The following LRRIQ3 variants were observed in gnomAD, a reference collection of about 807,000 sequenced individuals.
LRRIQ3 encodes the protein leucine-rich repeat and IQ domain-containing protein 3.
A neutral mutation model predicts 59.3 loss-of-function variants in LRRIQ3; 75 were observed. That is an observed-to-expected ratio of 1.26 (90% CI 1.05 to 1.53). LRRIQ3 has a LOEUF of 1.53. LRRIQ3 is among the 40% of genes most tolerant of loss of function. The probability of loss-of-function intolerance (pLI) is 0.00; values close to 1 mark genes in which losing one functional copy is unlikely to be tolerated. For synonymous variants in LRRIQ3, 250 were observed against 231.3 expected, an observed-to-expected ratio of 1.08 and a Z score of -0.73; for missense variants, 831 against 710.0, an observed-to-expected ratio of 1.17 and a Z score of -1.94.
At chr1:74,098,132 C>G (rs554716363) in intron 5 of LRRIQ3, among the ~76,000 whole-genome samples, 2 of 151,142 alleles carry the variant, frequency 1.3e-5, no homozygotes, top group South Asian at 2.1e-4. Flanking sequence ...AGAGTCAAGA[C>G]CCATCAGTGT....
At chr1:74,195,259 G>A (rs1354236607) in intron 1 of LRRIQ3, among the ~76,000 whole-genome samples, 1 of 152,180 alleles carries the variant, frequency 6.6e-6, no homozygotes, top group Non-Finnish European at 1.5e-5. Flanking sequence ...TGGTTAAACA[G>A]AGCCATGAAG....
At chr1:74,156,879 T>G (rs768256826) in intron 3 of LRRIQ3, among the ~76,000 whole-genome samples, 5 of 152,132 alleles carry the variant, frequency 3.3e-5, no homozygotes, top group Non-Finnish European at 5.9e-5. Context: ...TGTTTATGTT[T>G]TGAATGTAAG....
At chr1:74,032,971 A>G (rs1653762952) in intron 7 of LRRIQ3, among the ~76,000 whole-genome samples, 1 of 152,100 alleles carries the variant, frequency 6.6e-6, no homozygotes, top group Non-Finnish European at 1.5e-5. Flanking sequence ...AAATATGGAT[A>G]TAGGAAGTTG....
intron 7 of LRRIQ3, among the ~76,000 whole-genome samples, chr1:74,039,075 C>A (rs1039750417): frequency 1.3e-5 from 2 of 152,010 alleles, no homozygotes; most frequent in South Asian, 2.1e-4. Flanking sequence ...AAGGTAAGAA[C>A]CTTGATAAAA....
At chr1:74,094,326 T>C (rs1646426314) in intron 5 of LRRIQ3, among the ~76,000 whole-genome samples, 2 of 152,012 alleles carry the variant, frequency 1.3e-5, no homozygotes, top group Non-Finnish European at 2.9e-5. Flanking sequence ...GATGTTGAGA[T>C]GAGTTGATTA....
Position 74,041,859 on chromosome 1 carries a change from T to C in LRRIQ3, c.1072A>G (p.Ile358Val), listed in dbSNP as rs1654058298. 1 of 1,612,472 alleles carries C rather than the reference T, an allele frequency of 6.2e-7. No homozygotes were observed. Among genetic ancestry groups the C allele is most frequent in the Non-Finnish European group, 8.5e-7 (1 of 1,179,366 alleles). Residue 358 changes from isoleucine (I) to valine (V), a missense_variant, in exon 7 of 8, where the codon ATA becomes GTA. By Grantham distance (29) the Ile-to-Val change is conservative. Coordinates refer to ENST00000354431, the MANE Select transcript of LRRIQ3 (RefSeq NM_001105659.2). ...TTCTTCAATGAACCTGAAGTGTATA[T>C]GGGTAGTTTGAAAACTGATATCCTA... Reference protein sequence around the residue: ...SFRISVFKLPIYTSGSLKNNA... With the variant: ...SFRISVFKLPVYTSGSLKNNA...
At chr1:74,073,000 C>T (rs1432667534) in intron 6 of LRRIQ3, among the ~76,000 whole-genome samples, 1 of 151,990 alleles carries the variant, frequency 6.6e-6, no homozygotes, top group African/African-American at 2.4e-5. Flanking sequence ...TGATTTCTTT[C>T]TTTCAATGCC....
chr1:74,127,690 T>C (rs1161419410), intron 4 of LRRIQ3, among the ~76,000 whole-genome samples: 1 of 151,936 alleles, frequency 6.6e-6, no homozygotes, highest in Non-Finnish European at 1.5e-5. Flanking sequence ...TGAAAAGTTG[T>C]TGTAGTTATT....
chr1:74,152,096 C>T (rs1303738750), intron 4 of LRRIQ3, among the ~76,000 whole-genome samples: 1 of 151,434 alleles, frequency 6.6e-6, no homozygotes, highest in Non-Finnish European at 1.5e-5. Context: ...TAAAATTACA[C>T]CTATTATTTC....
intron 4 of LRRIQ3, among the ~76,000 whole-genome samples, chr1:74,136,710 T>A (rs143122801): frequency 1.9e-4 from 29 of 152,092 alleles, no homozygotes; most frequent in African/African-American, 6.5e-4. Context: ...AGAGGCAAAT[T>A]GGGAAGACTG....
intron 4 of LRRIQ3, chr1:74,144,467 T>G: frequency 3.0e-6 from 1 of 332,944 alleles, no homozygotes; most frequent in South Asian, 2.5e-5. Context: ...ACTTAAAAAT[T>G]AGAAAAAAAA....
intron 4 of LRRIQ3, among the ~76,000 whole-genome samples, chr1:74,142,586 A>G (rs906503002): frequency 5.9e-5 from 9 of 151,990 alleles, no homozygotes; most frequent in African/African-American, 1.7e-4. Context: ...AAGTAGCTTA[A>G]ATTTCAGTGT....
At chr1:74,077,436 C>T (rs1022378708) in intron 5 of LRRIQ3, among the ~76,000 whole-genome samples, 1 of 151,334 alleles carries the variant, frequency 6.6e-6, no homozygotes, top group Non-Finnish European at 1.5e-5. Context: ...CTTTAGATTC[C>T]CCTGAAAAAA....
At chr1:74,076,429 A>AT (rs1409421436) in intron 5 of LRRIQ3, among the ~76,000 whole-genome samples, 1 of 152,002 alleles carries the variant, frequency 6.6e-6, no homozygotes, top group Admixed American at 6.6e-5. Flanking sequence ...TCAAAACAAT[A>AT]TTTTTTTCCT....
At chr1:74,040,258 G>A (rs750152560) in intron 7 of LRRIQ3, among the ~76,000 whole-genome samples, 2 of 152,024 alleles carry the variant, frequency 1.3e-5, no homozygotes, top group African/African-American at 2.4e-5. Context: ...AAATATATAC[G>A]CACCCAATAC....
At chr1:74,186,808 T>C (rs1353489817) in intron 1 of LRRIQ3, among the ~76,000 whole-genome samples, 4 of 152,024 alleles carry the variant, frequency 2.6e-5, no homozygotes, top group Non-Finnish European at 4.4e-5. Context: ...AGAAAAAAAA[T>C]TGTAAGAATT....
chr1:74,026,718 G>A lies in LRRIQ3; in HGVS notation c.*95C>T, dbSNP rs913846014. On this transcript the variant is annotated 3_prime_UTR_variant, in exon 8 of 8. Transcript: ENST00000354431. ...ATATATAAATCCATCTTGTGATGTA[G>A]AGTATTTCTTGCTTTAGAGTATTAT... is the stretch of plus-strand genomic sequence containing the variant. 1 of 902,394 alleles carries A rather than the reference G, an allele frequency of 1.1e-6. No individual in the cohort carries two copies. 55.9% of individuals were successfully genotyped at this position (902,394 alleles called of 1,614,324 possible).
At chr1:74,089,313 C>T (rs540753754) in intron 5 of LRRIQ3, among the ~76,000 whole-genome samples, 3 of 152,016 alleles carry the variant, frequency 2.0e-5, no homozygotes, top group South Asian at 2.1e-4. Flanking sequence ...TTTAGGTATA[C>T]CCAAGAAAAC....
At position 74,026,787 on chromosome 1, in the gene LRRIQ3, A is replaced by G. The variant is rs1287130810; in HGVS notation, c.*26T>C. The G allele has an allele frequency of 1.3e-6, 2 of 1,564,290 alleles. No homozygotes were observed. The highest frequency in any genetic ancestry group is 1.7e-6 in the Non-Finnish European group (2 of 1,155,246). ...AAAATAATGACTATAATTTAAGATG[A>G]TCATAGGATGTGATCTGGCATTGAT... is the stretch of plus-strand genomic sequence containing the variant. On this transcript the variant is annotated 3_prime_UTR_variant, in exon 8 of 8. Coordinates refer to ENST00000354431, the MANE Select transcript of LRRIQ3 (RefSeq NM_001105659.2).
Sources: allele counts gnomAD v4.1 joint callset (sites outside exome capture counted in the v4.1 genomes callset), GRCh38; gene constraint gnomAD v4.1.1; transcripts MANE v1.5; gene names NCBI Gene and HGNC (gene_info 2026-07-23, HGNC 2026-07-21).